Variants in SYN3 observed in about 807,000 individuals in gnomAD.
SYN3 encodes synapsin III.
Under a neutral mutation model 65.8 loss-of-function variants are expected in SYN3, and 35 were observed. The observed-to-expected ratio is 0.53, with a 90% CI of 0.41 to 0.70. The LOEUF (loss-of-function observed/expected upper bound fraction) is 0.70. Ranked by LOEUF, SYN3 falls within the 30% of genes least tolerant of loss-of-function variation. The pLI is 0.00. For synonymous variants in SYN3, 270 were observed against 292.9 expected (o/e 0.92, Z 0.80); for missense variants, 680 against 749.0 (o/e 0.91, Z 1.08).
intron 1 of SYN3, among the ~76,000 whole-genome samples, chr22:33,021,424 AT>A (rs767332288): frequency 4.6e-5 from 7 of 152,118 alleles, no homozygotes; most frequent in Non-Finnish European, 1.0e-4. Context: ...CCCCCATACA[AT>A]TGCTTTTTAA....
intron 6 of SYN3, among the ~76,000 whole-genome samples, chr22:32,830,068 C>T (rs765633125): frequency 2.6e-5 from 4 of 152,138 alleles, no homozygotes; most frequent in African/African-American, 4.8e-5. Flanking sequence ...GTGGGGCAGC[C>T]GACATTTCAG....
intron 6 of SYN3, among the ~76,000 whole-genome samples, chr22:32,767,728 G>A (rs5754258): frequency 0.78 from 118,942 of 151,966 alleles, 47,348 homozygotes; most frequent in African/African-American, 0.94. Context: ...CTTTCTCTGA[G>A]AACATTTAGG....
intron 6 of SYN3, among the ~76,000 whole-genome samples, chr22:32,691,390 G>A (rs956598250): frequency 1.3e-5 from 2 of 152,174 alleles, no homozygotes; most frequent in African/African-American, 4.8e-5. Context: ...GGTGGATCTG[G>A]GAAGGAGTAG....
At chr22:32,597,204 C>CTTTTTTTTTTTTTTTTTT (rs6147592) in intron 6 of SYN3, among the ~76,000 whole-genome samples, 1 of 87,372 alleles carries the variant, frequency 1.1e-5, no homozygotes, top group Non-Finnish European at 2.2e-5. Flanking sequence ...ACATTATTCT[C>CTTTTTTTTTTTTTTTTTT]TTTTTTTTTT....
intron 6 of SYN3, among the ~76,000 whole-genome samples, chr22:32,804,394 T>C (rs1215839761): frequency 6.6e-6 from 1 of 152,202 alleles, no homozygotes; most frequent in Non-Finnish European, 1.5e-5. Flanking sequence ...AACTGTCTAT[T>C]CTCGCCCTCA....
At chr22:32,815,994 G>C (rs150321393) in intron 6 of SYN3, among the ~76,000 whole-genome samples, 1 of 152,316 alleles carries the variant, frequency 6.6e-6, no homozygotes, top group East Asian at 1.9e-4. Context: ...GTAAGGAACA[G>C]AACAGGGAGG....
intron 7 of SYN3, among the ~76,000 whole-genome samples, chr22:32,550,157 A>G (rs1041444984): frequency 6.6e-6 from 1 of 152,182 alleles, no homozygotes; most frequent in Non-Finnish European, 1.5e-5. Context: ...ACAGAGAAGA[A>G]TTATTTCAAG....
intron 3 of SYN3, among the ~76,000 whole-genome samples, chr22:32,962,008 T>C (rs1240624561): frequency 6.6e-6 from 1 of 151,728 alleles, no homozygotes; most frequent in Non-Finnish European, 1.5e-5. Context: ...GCTCTGTCCA[T>C]CAAACCAAAG....
chr22:32,955,535 T>C (rs1013262033), intron 3 of SYN3, among the ~76,000 whole-genome samples: 6 of 152,224 alleles, frequency 3.9e-5, no homozygotes, highest in Admixed American at 1.3e-4. Context: ...TGGTAAATTA[T>C]ATACAACATA....
At chr22:32,552,337 G>A (rs1054520781) in intron 7 of SYN3, among the ~76,000 whole-genome samples, 2 of 152,096 alleles carry the variant, frequency 1.3e-5, no homozygotes, top group Non-Finnish European at 2.9e-5. Flanking sequence ...GTATCCAGAG[G>A]TGTTTGAGAG....
rs539316872 is a variant in SYN3 at position 32,845,355 on chromosome 22, G to A, written c.711+19560C>T. 1.8e-4 allele frequency among the ~76,000 whole-genome samples: 28 copies of A among 152,120 alleles called. No homozygotes were observed. In the South Asian group the frequency reaches 5.6e-3, roughly 31 times the overall value. On this transcript the variant is annotated intron_variant, in intron 6 of 13. Coordinates refer to ENST00000358763, the MANE Select transcript of SYN3 (RefSeq NM_003490.4). ...GGGACTACAGGCGGCCCCATGCCCA[G>A]CTAATTTTTGTATTTTAGTAGAGAT...
At chr22:32,553,026 C>A (rs1244096432) in intron 7 of SYN3, among the ~76,000 whole-genome samples, 1 of 152,214 alleles carries the variant, frequency 6.6e-6, no homozygotes, top group African/African-American at 2.4e-5. Flanking sequence ...TGCCTTCTGG[C>A]TGTGTCCTCA....
intron 12 of SYN3, chr22:32,519,266 A>G (rs1476705817): frequency 6.6e-6 from 1 of 152,150 alleles, no homozygotes; most frequent in Non-Finnish European, 1.5e-5. Flanking sequence ...GAGACACTAA[A>G]TAATCATTAC....
intron 7 of SYN3, chr22:32,583,854 T>A (rs1006820856): frequency 6.6e-6 from 1 of 152,240 alleles, no homozygotes; most frequent in Non-Finnish European, 1.5e-5. Context: ...ACGAATTGAT[T>A]TATATCCCCA....
chr22:32,590,442 T>C (rs1004173705), intron 7 of SYN3, among the ~76,000 whole-genome samples: 16 of 152,236 alleles, frequency 1.1e-4, no homozygotes, highest in African/African-American at 3.9e-4. Flanking sequence ...TTGATTTATC[T>C]ATTCTATTAA....
chr22:32,942,601 A>T (rs2050974499), intron 3 of SYN3, among the ~76,000 whole-genome samples: 1 of 152,260 alleles, frequency 6.6e-6, no homozygotes, highest in Admixed American at 6.5e-5. Context: ...ATGGAGAATG[A>T]CTTTGACGAG....
At chr22:32,937,244 T>C (rs911707413) in intron 3 of SYN3, among the ~76,000 whole-genome samples, 1 of 151,992 alleles carries the variant, frequency 6.6e-6, no homozygotes, top group African/African-American at 2.4e-5. Context: ...ATGGAAACAA[T>C]ACAATGGGAG....
chr22:32,955,252 G>A (rs2146850620), intron 3 of SYN3, among the ~76,000 whole-genome samples: 1 of 152,288 alleles, frequency 6.6e-6, no homozygotes, highest in East Asian at 1.9e-4. Flanking sequence ...CTCCAGCTAA[G>A]CACCAGACAC....
At chr22:32,953,352 T>C (rs2051348637) in intron 3 of SYN3, among the ~76,000 whole-genome samples, 1 of 152,184 alleles carries the variant, frequency 6.6e-6, no homozygotes, top group Non-Finnish European at 1.5e-5. Context: ...TCACCTTATA[T>C]TCTAGTGCAG....
Sources: allele counts gnomAD v4.1 joint callset (sites outside exome capture counted in the v4.1 genomes callset), GRCh38; gene constraint gnomAD v4.1.1; transcripts MANE v1.5; gene names NCBI Gene and HGNC (gene_info 2026-07-23, HGNC 2026-07-21).